Variants in SORCS1 observed in about 807,000 individuals in gnomAD.
SORCS1 encodes sortilin related VPS10 domain containing receptor 1.
In SORCS1, 60 loss-of-function variants were observed where a neutral mutation model predicts 146.1. The ratio of observed to expected loss-of-function variants is 0.41; its 90% CI spans 0.33 to 0.51. SORCS1 has a LOEUF of 0.51. Ranked by LOEUF, SORCS1 falls within the 20% of genes least tolerant of loss-of-function variation. SORCS1 has a pLI of 0.21. For synonymous variants in SORCS1, 637 were observed against 584.0 expected (o/e 1.09, Z -1.31); for missense variants, 1,352 against 1,487.6 (o/e 0.91, Z 1.50).
intron 2 of SORCS1, among the ~76,000 whole-genome samples, chr10:106,878,620 G>GCATATATATATATATATATATATA (rs1554871217): frequency 8.2e-5 from 7 of 84,924 alleles, no homozygotes; most frequent in Non-Finnish European, 9.4e-5. Context: ...AAACTACCTA[G>GCATATATATATATATATATATATA]TATATATATA....
chr10:106,727,158 G>C (rs1041022937), intron 6 of SORCS1, among the ~76,000 whole-genome samples: 5 of 152,076 alleles, frequency 3.3e-5, no homozygotes, highest in Middle Eastern at 3.4e-3. Context: ...ATCTTAACAA[G>C]GTCCCTAGGT....
intron 1 of SORCS1, among the ~76,000 whole-genome samples, chr10:107,059,405 C>T (rs1960956963): frequency 6.6e-6 from 1 of 152,134 alleles, no homozygotes; most frequent in Non-Finnish European, 1.5e-5. Flanking sequence ...AGATAAGGAC[C>T]TTGAAACAAA....
rs564056151 is a variant in SORCS1, at chr10:106,948,961, C to CA, written c.626+7551dup. 3.3e-3 allele frequency among the ~76,000 whole-genome samples: 445 copies of CA among 136,256 alleles called. 2 individuals are homozygous for CA. Among genetic ancestry groups the CA allele is most frequent in the African/African-American group, 9.0e-3 (338 of 37,604 alleles). The allele number at this position is 136,256 out of a possible 152,430, so 89.4% of individuals were successfully genotyped here. The stretch of plus-strand genomic sequence containing the variant: ...AGGAGACAGAGAAAGACTCTGTATC[C>CA]AAAAAAAAAAAGAATTTTAATTGTG... On this transcript the variant is annotated intron_variant, in intron 2 of 25. Coordinates refer to ENST00000263054, the MANE Select transcript of SORCS1 (RefSeq NM_052918.5).
chr10:106,739,694 G>T (rs759105569), intron 5 of SORCS1, among the ~76,000 whole-genome samples: 1 of 151,840 alleles, frequency 6.6e-6, no homozygotes, highest in African/African-American at 2.4e-5. Flanking sequence ...GGCGAGCGCC[G>T]TAATCCCAGC....
intron 4 of SORCS1, among the ~76,000 whole-genome samples, chr10:106,769,233 C>A (rs1267207271): frequency 1.3e-5 from 2 of 152,100 alleles, no homozygotes; most frequent in African/African-American, 4.8e-5. Context: ...CGCTTGTAAT[C>A]CCAGCACTTT....
chr10:106,932,227 G>A (rs1953456819), intron 2 of SORCS1, among the ~76,000 whole-genome samples: 2 of 152,012 alleles, frequency 1.3e-5, no homozygotes, highest in African/African-American at 4.8e-5. Context: ...TTATTTTTGA[G>A]AATTACATGA....
At chr10:107,119,425 C>A (rs891674644) in intron 1 of SORCS1, among the ~76,000 whole-genome samples, 1 of 152,108 alleles carries the variant, frequency 6.6e-6, no homozygotes, top group Non-Finnish European at 1.5e-5. Context: ...TAGCAGTAAT[C>A]CAATTTAATC....
intron 10 of SORCS1, among the ~76,000 whole-genome samples, chr10:106,686,529 C>T (rs1299411187): frequency 1.3e-5 from 2 of 152,258 alleles, no homozygotes; most frequent in South Asian, 4.1e-4. Flanking sequence ...CTTGCTATAG[C>T]TGAACTAGGA....
intron 2 of SORCS1, among the ~76,000 whole-genome samples, chr10:106,884,650 T>C (rs1491003585): frequency 6.6e-6 from 1 of 152,186 alleles, no homozygotes; most frequent in Non-Finnish European, 1.5e-5. Flanking sequence ...AATTAAATTC[T>C]CCTCCACTTG....
chr10:106,748,162 TTTTG>T (rs1857885011), intron 5 of SORCS1, among the ~76,000 whole-genome samples: 1 of 152,308 alleles, frequency 6.6e-6, no homozygotes, highest in Non-Finnish European at 1.5e-5. Flanking sequence ...TTTTGTTTTG[TTTTG>T]TTTGTTTTTT....
intron 2 of SORCS1, among the ~76,000 whole-genome samples, chr10:106,858,234 C>A (rs960154901): frequency 2.0e-5 from 3 of 152,176 alleles, no homozygotes; most frequent in Non-Finnish European, 4.4e-5. Flanking sequence ...TCTCATCTAT[C>A]TAGCAGTCTG....
intron 4 of SORCS1, among the ~76,000 whole-genome samples, chr10:106,764,885 T>A (rs911323330): frequency 1.3e-5 from 2 of 151,810 alleles, no homozygotes; most frequent in African/African-American, 2.4e-5. Context: ...TAGCTGGGCG[T>A]GGTGGCCGGT....
intron 24 of SORCS1, among the ~76,000 whole-genome samples, chr10:106,594,548 G>A (rs1198920889): frequency 6.6e-6 from 1 of 152,132 alleles, no homozygotes; most frequent in African/African-American, 2.4e-5. Flanking sequence ...GGAGAAGTAT[G>A]GAAGGAAGAA....
At chr10:106,989,845 C>T (rs1049579218) in intron 1 of SORCS1, among the ~76,000 whole-genome samples, 2 of 151,788 alleles carry the variant, frequency 1.3e-5, no homozygotes, top group East Asian at 3.9e-4. Flanking sequence ...CGCCACCACG[C>T]CTGGCTAATT....
chr10:107,082,458 C>T (rs1963401558), intron 1 of SORCS1, among the ~76,000 whole-genome samples: 1 of 151,952 alleles, frequency 6.6e-6, no homozygotes, highest in African/African-American at 2.4e-5. Context: ...AGTGGTGCTT[C>T]TCCTTTCTTT....
In SORCS1 at chr10:107,060,163, A is replaced by G. The variant is rs1181704899; in HGVS notation, c.559-103583T>C. Among the ~76,000 whole-genome samples the G allele has an allele frequency of 1.3e-5, 2 of 152,038 alleles. No homozygotes were observed. The highest frequency in any genetic ancestry group is 2.9e-5 in the Non-Finnish European group (2 of 67,990). Reference sequence around the variant, plus strand: ...AGTATCCCATATCAGATATGTACACATGCACACTGGAATATTAAAATGTAG... The same window carrying G: ...AGTATCCCATATCAGATATGTACACGTGCACACTGGAATATTAAAATGTAG... On this transcript the variant is annotated intron_variant, in intron 1 of 25. Coordinates refer to ENST00000263054, the MANE Select transcript of SORCS1 (RefSeq NM_052918.5). This position sits in a 1 kb window ranked among gnomAD's most constrained non-coding sequence, Gnocchi z 4.1.
chr10:106,866,844 A>G (rs760419542), intron 2 of SORCS1, among the ~76,000 whole-genome samples: 1 of 152,118 alleles, frequency 6.6e-6, no homozygotes, highest in East Asian at 1.9e-4. Flanking sequence ...AAAGACATCT[A>G]TTGACTGTAC....
At chr10:106,688,465 G>C (rs570393729) in intron 9 of SORCS1, 127 bp from the exon 10 acceptor site, 13 of 1,033,150 alleles carry the variant, frequency 1.3e-5, no homozygotes, top group Middle Eastern at 3.2e-4. Flanking sequence ...AAAGGTTGAC[G>C]ATGGGGGAAG....
At position 106,574,572 on chromosome 10, in the gene SORCS1, G is replaced by A. The variant is rs2133167596; in HGVS notation, c.*2848C>T. On this transcript the variant is annotated 3_prime_UTR_variant, in exon 26 of 26. Transcript: ENST00000263054. ...TCACTGGGAGGGCTTGTTAAAATAG[G>A]TGGCTGGGCCCACTGTCACTTAGCA... The A allele has an allele frequency of 6.6e-6, 1 of 152,660 alleles. No individual in the cohort carries two copies. Among genetic ancestry groups the A allele is most frequent in the South Asian group, 2.1e-4 (1 of 4,816 alleles). 9.5% of individuals were successfully genotyped at this position (152,660 alleles called of 1,614,324 possible).
Sources: allele counts gnomAD v4.1 joint callset (sites outside exome capture counted in the v4.1 genomes callset), GRCh38; gene constraint gnomAD v4.1.1; non-coding constraint Gnocchi (gnomAD v3.1); transcripts MANE v1.5; gene names NCBI Gene and HGNC (gene_info 2026-07-23, HGNC 2026-07-21).